The following PIK3C2G variants were observed in gnomAD, a reference collection of about 807,000 sequenced individuals.
The protein encoded by PIK3C2G is phosphatidylinositol-4-phosphate 3-kinase catalytic subunit type 2 gamma, also known as phosphatidylinositol 3-kinase C2 domain-containing subunit gamma.
Under a neutral mutation model 181.1 loss-of-function variants are expected in PIK3C2G, and 168 were observed. That is an observed-to-expected ratio of 0.93 (90% CI 0.82 to 1.05). The LOEUF is 1.05. PIK3C2G is among the 50% of genes least tolerant of loss of function. The pLI, the probability that PIK3C2G is intolerant of heterozygous loss-of-function variation, is 0.00. For synonymous variants in PIK3C2G, 573 were observed against 592.2 expected (o/e 0.97, Z 0.47); for missense variants, 1,869 against 1,732.8 (o/e 1.08, Z -1.40).
the PIK3C2G span, chr12:18,684,351 C>T: frequency 6.9e-7 from 1 of 1,445,010 alleles, no homozygotes; most frequent in Non-Finnish European, 9.5e-7. Flanking sequence ...TACATTTGTT[C>T]TCCAAACTTT....
chr12:18,625,147 A>G (rs1004489556), intron 31 of PIK3C2G, among the ~76,000 whole-genome samples: 2 of 151,472 alleles, frequency 1.3e-5, no homozygotes, highest in African/African-American at 4.8e-5. Context: ...CTTATTTGAT[A>G]TTGGCATTTA....
chr12:18,656,681 G>A, the PIK3C2G span, among the ~76,000 whole-genome samples: 1 of 152,128 alleles, frequency 6.6e-6, no homozygotes, highest in South Asian at 2.1e-4. Flanking sequence ...TTAGCAGTGA[G>A]CTATGATCAT....
At chr12:18,540,508 T>C (rs191650735) in intron 25 of PIK3C2G, among the ~76,000 whole-genome samples, 2 of 151,990 alleles carry the variant, frequency 1.3e-5, no homozygotes, top group East Asian at 3.9e-4. Flanking sequence ...TAAACTTTTC[T>C]ACATACCTTA....
chr12:18,682,781 T>C, the PIK3C2G span, among the ~76,000 whole-genome samples: 1 of 151,930 alleles, frequency 6.6e-6, no homozygotes, highest in Non-Finnish European at 1.5e-5. Flanking sequence ...GGCTAATTAC[T>C]CTCCAGGATA....
intron 8 of PIK3C2G, among the ~76,000 whole-genome samples, chr12:18,325,374 T>C (rs1045641762): frequency 6.6e-6 from 1 of 152,134 alleles, no homozygotes; most frequent in Non-Finnish European, 1.5e-5. Flanking sequence ...AAATGTTGAC[T>C]GTATGTGTCT....
At chr12:18,426,153 A>G (rs369254460) in intron 18 of PIK3C2G, among the ~76,000 whole-genome samples, 28 of 152,162 alleles carry the variant, frequency 1.8e-4, no homozygotes, top group East Asian at 9.6e-4. Context: ...GTAGTATGTA[A>G]AAGTATTTAT....
At chr12:18,559,167 T>C (rs1349423602) in intron 26 of PIK3C2G, among the ~76,000 whole-genome samples, 1 of 152,234 alleles carries the variant, frequency 6.6e-6, no homozygotes, top group East Asian at 1.9e-4. Context: ...CACATTTTAC[T>C]TTATATTTTC....
At chr12:18,634,514 T>G (rs1949502931) in intron 31 of PIK3C2G, among the ~76,000 whole-genome samples, 1 of 152,208 alleles carries the variant, frequency 6.6e-6, no homozygotes, top group African/African-American at 2.4e-5. Context: ...CACTTTTTCA[T>G]GATGGAAGCA....
intron 29 of PIK3C2G, among the ~76,000 whole-genome samples, chr12:18,593,806 T>C (rs1947210392): frequency 6.6e-6 from 1 of 151,910 alleles, no homozygotes; most frequent in African/African-American, 2.4e-5. Context: ...AAATTATTTA[T>C]AACTGAAATT....
chr12:18,686,168 T>C, the PIK3C2G span, among the ~76,000 whole-genome samples: 1 of 151,920 alleles, frequency 6.6e-6, no homozygotes, highest in African/African-American at 2.4e-5. Context: ...CTTTATACCA[T>C]GACTTTTATA....
chr12:18,671,527 C>A, the PIK3C2G span, among the ~76,000 whole-genome samples: 1 of 152,112 alleles, frequency 6.6e-6, no homozygotes, highest in African/African-American at 2.4e-5. Context: ...ATGGAGGCAC[C>A]ACCCATGTGT....
intron 1 of PIK3C2G, among the ~76,000 whole-genome samples, chr12:18,265,772 G>T (rs964695617): frequency 6.6e-6 from 1 of 151,880 alleles, no homozygotes; most frequent in Non-Finnish European, 1.5e-5. Context: ...CCAGCACTTT[G>T]GGAGGCTGAG....
At chr12:18,480,653 C>A (rs1939467818) in intron 18 of PIK3C2G, among the ~76,000 whole-genome samples, 1 of 152,118 alleles carries the variant, frequency 6.6e-6, no homozygotes, top group South Asian at 2.1e-4. Flanking sequence ...ATGACAACAC[C>A]CAAATGCTAC....
intron 1 of PIK3C2G, among the ~76,000 whole-genome samples, chr12:18,264,808 G>A (rs530029994): frequency 3.9e-5 from 6 of 152,220 alleles, no homozygotes; most frequent in East Asian, 1.9e-4. Flanking sequence ...CTCTCTGGGC[G>A]TGGGGAGAAA....
intron 14 of PIK3C2G, among the ~76,000 whole-genome samples, chr12:18,385,769 A>G (rs7974144): frequency 0.12 from 17,819 of 151,956 alleles, 1,466 homozygotes; most frequent in East Asian, 0.33. Context: ...TTTCACCATG[A>G]TGGCCAAGTT....
At chr12:18,605,258 T>G (rs932829938) in intron 30 of PIK3C2G, among the ~76,000 whole-genome samples, 2 of 152,104 alleles carry the variant, frequency 1.3e-5, no homozygotes, top group Admixed American at 1.3e-4. Flanking sequence ...TATGAACACC[T>G]TTACACACAT....
chr12:18,719,109 T>A, the PIK3C2G span, among the ~76,000 whole-genome samples: 1 of 152,286 alleles, frequency 6.6e-6, no homozygotes, highest in Non-Finnish European at 1.5e-5. Context: ...ACTAGCTAAA[T>A]AAGAGTCTTC....
the PIK3C2G span, chr12:18,695,157 T>C: frequency 7.3e-7 from 1 of 1,361,250 alleles, no homozygotes; most frequent in Non-Finnish European, 1.0e-6. Context: ...TACTGAAATC[T>C]AATAATGGAT....
intron 18 of PIK3C2G, among the ~76,000 whole-genome samples, chr12:18,461,795 A>C (rs1947933660): frequency 6.6e-6 from 1 of 152,230 alleles, no homozygotes; most frequent in Non-Finnish European, 1.5e-5. Context: ...TGGACTCCAC[A>C]GACTCAGAAC....
Sources: allele counts gnomAD v4.1 joint callset (sites outside exome capture counted in the v4.1 genomes callset), GRCh38; gene constraint gnomAD v4.1.1; transcripts MANE v1.5; gene names NCBI Gene and HGNC (gene_info 2026-07-23, HGNC 2026-07-21).